The following STXBP6 variants were observed in gnomAD, a reference collection of about 807,000 sequenced individuals.
The protein encoded by STXBP6 is syntaxin binding protein 6.
Under a neutral mutation model 26.9 loss-of-function variants are expected in STXBP6, and 21 were observed. The ratio of observed to expected loss-of-function variants is 0.78; its 90% CI spans 0.55 to 1.12. The LOEUF (loss-of-function observed/expected upper bound fraction) is 1.12. Among genes scored for constraint, STXBP6 ranks in the 50% most tolerant of loss-of-function variants. The probability of loss-of-function intolerance (pLI) is 0.00; values close to 1 mark genes in which losing one functional copy is unlikely to be tolerated. For synonymous variants in STXBP6, 97 were observed against 92.6 expected, an observed-to-expected ratio of 1.05 and a Z score of -0.27; for missense variants, 232 against 257.9, an observed-to-expected ratio of 0.90 and a Z score of 0.69.
chr14:25,014,933 A>AC (rs1470082619), intron 1 of STXBP6, among the ~76,000 whole-genome samples: 1 of 152,228 alleles, frequency 6.6e-6, no homozygotes. Flanking sequence ...TTCTGTAATT[A>AC]CCATATTATT....
At chr14:24,879,744 T>C (rs2070286948) in intron 2 of STXBP6, among the ~76,000 whole-genome samples, 2 of 152,126 alleles carry the variant, frequency 1.3e-5, no homozygotes, top group South Asian at 4.1e-4. Context: ...CCAGGCACTC[T>C]TTTTACAATA....
intron 1 of STXBP6, among the ~76,000 whole-genome samples, chr14:25,008,551 A>C (rs900608937): frequency 3.9e-5 from 6 of 152,216 alleles, no homozygotes; most frequent in African/African-American, 1.4e-4. Context: ...GACTCACTGA[A>C]TGTTATAATT....
chr14:24,861,763 A>G (rs990789037), intron 2 of STXBP6, among the ~76,000 whole-genome samples: 3 of 152,200 alleles, frequency 2.0e-5, no homozygotes, highest in African/African-American at 7.2e-5. Flanking sequence ...TTTGCTTCTC[A>G]CACTATTTCT....
At chr14:24,919,801 G>T (rs1266949367) in intron 2 of STXBP6, among the ~76,000 whole-genome samples, 1 of 152,004 alleles carries the variant, frequency 6.6e-6, no homozygotes, top group African/African-American at 2.4e-5. Context: ...CTTAAGGATG[G>T]TGTGGGTGCA....
chr14:25,022,814 A>G, intron 1 of STXBP6, among the ~76,000 whole-genome samples: 1 of 152,058 alleles, frequency 6.6e-6, no homozygotes, highest in East Asian at 1.9e-4. Context: ...CTGACTCACA[A>G]ATTCAACTGC....
intron 2 of STXBP6, among the ~76,000 whole-genome samples, chr14:24,876,543 T>C (rs1482318487): frequency 1.3e-5 from 2 of 152,086 alleles, no homozygotes; most frequent in African/African-American, 4.8e-5. Flanking sequence ...CTCACATTAG[T>C]ATGGGGCAGC....
chr14:24,893,986 A>G (rs2070883067), intron 2 of STXBP6, among the ~76,000 whole-genome samples: 3 of 152,234 alleles, frequency 2.0e-5, no homozygotes, highest in Non-Finnish European at 4.4e-5. Flanking sequence ...AAATAGGGTT[A>G]TAGCATCAAA....
intron 2 of STXBP6, among the ~76,000 whole-genome samples, chr14:24,866,230 T>A (rs2069714752): frequency 6.6e-6 from 1 of 152,146 alleles, no homozygotes; most frequent in South Asian, 2.1e-4. Flanking sequence ...GCCTTTGGAC[T>A]TGTACTGCAA....
intron 4 of STXBP6, among the ~76,000 whole-genome samples, chr14:24,822,206 A>G (rs933380704): frequency 1.3e-5 from 2 of 151,946 alleles, no homozygotes; most frequent in African/African-American, 4.8e-5. Flanking sequence ...TTAGCAAACA[A>G]CCCCAATATC....
At chr14:24,974,878 T>C (rs2074003515) in intron 1 of STXBP6, 28 bp from the exon 2 acceptor site, 1 of 1,471,482 alleles carries the variant, frequency 6.8e-7, no homozygotes, top group Non-Finnish European at 9.1e-7. Context: ...GAAAGGAAAG[T>C]TGGAATTGAC....
chr14:24,850,389 T>C (rs950625407), intron 4 of STXBP6, among the ~76,000 whole-genome samples: 3 of 152,106 alleles, frequency 2.0e-5, no homozygotes, highest in Non-Finnish European at 4.4e-5. Context: ...CTTTATACTA[T>C]CATCTGAAGG....
rs1031497597 is a variant in STXBP6 at position 24,941,753 on chromosome 14, A to T, written c.154+32912T>A. Among the ~76,000 whole-genome samples, 7 of 152,094 alleles carry T rather than the reference A, an allele frequency of 4.6e-5. 2 individuals carry two copies. The highest frequency in any genetic ancestry group is 3.9e-4 in the Admixed American group (6 of 15,270). On this transcript the variant is annotated intron_variant, in intron 2 of 5. Coordinates refer to ENST00000323944, the MANE Select transcript of STXBP6 (RefSeq NM_001394410.1). ...AGCTGTCTGCTCTTTTCTGCTTTGG[A>T]CCTCTTTCTTCTTTGGCTCCTTCCT...
chr14:24,817,045 A>G (rs902160467), intron 5 of STXBP6: 5 of 152,236 alleles, frequency 3.3e-5, no homozygotes, highest in African/African-American at 1.2e-4. Flanking sequence ...CTATTCTCAT[A>G]AAGAATAGTG....
At chr14:25,027,180 T>C (rs2075365158) in intron 1 of STXBP6, among the ~76,000 whole-genome samples, 3 of 152,216 alleles carry the variant, frequency 2.0e-5, no homozygotes, top group African/African-American at 7.2e-5. Context: ...TTGTGCTTTA[T>C]TGCACTTCAC....
chr14:24,819,417 C>T (rs939955258), intron 4 of STXBP6: 17 of 609,510 alleles, frequency 2.8e-5, no homozygotes, highest in Non-Finnish European at 4.7e-5. Flanking sequence ...ATCCTAAATG[C>T]TTCTCTATAA....
intron 5 of STXBP6, among the ~76,000 whole-genome samples, chr14:24,813,175 A>G (rs2067872753): frequency 6.6e-6 from 1 of 152,168 alleles, no homozygotes; most frequent in Admixed American, 6.5e-5. Flanking sequence ...GACAATCTAC[A>G]ACCATCTATT....
chr14:24,935,802 A>G (rs1801205195), intron 2 of STXBP6, among the ~76,000 whole-genome samples: 1 of 152,168 alleles, frequency 6.6e-6, no homozygotes, highest in Admixed American at 6.5e-5. Context: ...CCACCTAGAA[A>G]GTCTTTCTTC....
At chr14:24,917,273 T>C (rs1362708536) in intron 2 of STXBP6, among the ~76,000 whole-genome samples, 2 of 151,988 alleles carry the variant, frequency 1.3e-5, no homozygotes, top group African/African-American at 2.4e-5. Context: ...GATGACAAAA[T>C]GGAGTAGGCA....
intron 1 of STXBP6, among the ~76,000 whole-genome samples, chr14:24,999,568 G>A (rs1486143907): frequency 6.6e-6 from 1 of 152,182 alleles, no homozygotes; most frequent in East Asian, 1.9e-4. Context: ...TGTGACATTA[G>A]CAGATATGAA....
Sources: allele counts gnomAD v4.1 joint callset (sites outside exome capture counted in the v4.1 genomes callset), GRCh38; gene constraint gnomAD v4.1.1; transcripts MANE v1.5; gene names NCBI Gene and HGNC (gene_info 2026-07-23, HGNC 2026-07-21).